The following KCNQ1 variants were observed in gnomAD, a reference collection of about 807,000 sequenced individuals.
KCNQ1 encodes the protein potassium voltage-gated channel subfamily Q member 1.
A neutral mutation model predicts 72.4 loss-of-function variants in KCNQ1; 49 were observed. The observed-to-expected ratio is 0.68, with a 90% CI of 0.54 to 0.86. The LOEUF is 0.86. KCNQ1 is among the 40% of genes least tolerant of loss of function. KCNQ1 has a pLI of 0.00. For synonymous variants in KCNQ1, 450 were observed against 412.6 expected (o/e 1.09, Z -1.10); for missense variants, 790 against 945.1 (o/e 0.84, Z 2.15).
intron 10 of KCNQ1, chr11:2,648,894 TG>T: frequency 2.5e-6 from 1 of 398,464 alleles, no homozygotes; most frequent in Non-Finnish European, 4.4e-6. Flanking sequence ...CCAGTGTTGT[TG>T]GTTGCATATA....
At chr11:2,531,105 CAGG>C (rs1363739796) in intron 2 of KCNQ1, among the ~76,000 whole-genome samples, 1 of 152,206 alleles carries the variant, frequency 6.6e-6, no homozygotes, top group Non-Finnish European at 1.5e-5. Context: ...GGTTATCTCC[CAGG>C]CAGCTGGGAG....
In KCNQ1 at chr11:2,601,829, A is replaced by T. The variant is rs76698782; in HGVS notation, c.1393+12975A>T. 6.6e-6 allele frequency among the ~76,000 whole-genome samples: 1 copy of T among 152,170 alleles called. No homozygotes were observed. The highest frequency in any genetic ancestry group is 1.5e-5 in the Non-Finnish European group (1 of 68,050). On this transcript the variant is annotated intron_variant, in intron 10 of 15. Transcript: ENST00000155840. This position sits in a 1 kb window ranked among gnomAD's most constrained non-coding sequence, Gnocchi z 5.2. ...TTTAACCATTCCCTCATCCAAGGAC[A>T]TGTGGGTCATTCCCAGTTTGGGCTA... is the stretch of plus-strand genomic sequence containing the variant.
intron 6 of KCNQ1, among the ~76,000 whole-genome samples, chr11:2,582,338 T>A (rs1238902241): frequency 6.6e-6 from 1 of 152,114 alleles, no homozygotes; most frequent in Non-Finnish European, 1.5e-5. Flanking sequence ...GGGACCCTGG[T>A]CTCGTGGGGG....
chr11:2,541,159 C>T lies in KCNQ1; in HGVS notation c.477+13141C>T, dbSNP rs1376941241. On this transcript the variant is annotated intron_variant, in intron 2 of 15. Transcript: ENST00000155840. This position sits in a 1 kb window ranked among gnomAD's most constrained non-coding sequence, Gnocchi z 4.8. ...GCAGGGAGAGAGACCCCCTTGGGGC[C>T]GCGTTCCATTTGCACATTTAATCCA... Among the ~76,000 whole-genome samples, 1 of 152,242 alleles carries T rather than the reference C, an allele frequency of 6.6e-6. No homozygotes were observed. Among genetic ancestry groups the T allele is most frequent in the East Asian group, 1.9e-4 (1 of 5,184 alleles).
rs75009354 is a variant in KCNQ1, at chr11:2,601,739, C to T, written c.1393+12885C>T. ...TGGATTCATTCCGGTTGTTTTGTAT[C>T]GCGACAGTTCATTAAATCATAGTGC... On this transcript the variant is annotated intron_variant, in intron 10 of 15. Coordinates refer to ENST00000155840, the MANE Select transcript of KCNQ1 (RefSeq NM_000218.3). The surrounding 1 kb of genome is among the most constrained non-coding windows in gnomAD (Gnocchi z 5.2). Among the ~76,000 whole-genome samples the T allele has an allele frequency of 3.5e-3, 537 of 152,246 alleles. 2 individuals carry two copies. The highest frequency in any genetic ancestry group is 5.4e-3 in the Non-Finnish European group (370 of 68,028).
At position 2,712,219 on chromosome 11, in the gene KCNQ1, T is replaced by C. The variant is rs1483988727; in HGVS notation, c.1514+50138T>C. Among the ~76,000 whole-genome samples, 1 of 152,156 alleles carries C rather than the reference T, an allele frequency of 6.6e-6. No individual in the cohort carries two copies. The highest frequency in any genetic ancestry group is 2.4e-5 in the African/African-American group (1 of 41,444). ...TATTCATCCACACCCCCTGCATTTA[T>C]TGAGTGCCTTCTGGGTGCCCGGCCC... is the stretch of plus-strand genomic sequence containing the variant. On this transcript the variant is annotated intron_variant, in intron 11 of 15. Transcript: ENST00000155840. This position sits in a 1 kb window ranked among gnomAD's most constrained non-coding sequence, Gnocchi z 6.4.
chr11:2,646,644 G>C (rs1849670474), intron 10 of KCNQ1: 4 of 398,492 alleles, frequency 1.0e-5, no homozygotes, highest in Non-Finnish European at 1.3e-5. Context: ...TCCCATCTCA[G>C]CCTCCTGAGT....
chr11:2,582,198 T>G (rs1035543397), intron 6 of KCNQ1, among the ~76,000 whole-genome samples: 1 of 152,164 alleles, frequency 6.6e-6, no homozygotes, highest in Admixed American at 6.5e-5. Context: ...TTCTGGGCAG[T>G]CGCGTGAGCC....
rs1242554125 is a variant in KCNQ1 at position 2,658,066 on chromosome 11, G to A, written c.1394-3895G>A. The A allele has an allele frequency of 5.0e-6, 2 of 398,404 alleles. No individual in the cohort carries two copies. Among genetic ancestry groups the A allele is most frequent in the African/African-American group, 4.1e-5 (2 of 48,594 alleles). 24.7% of individuals were successfully genotyped at this position (398,404 alleles called of 1,614,324 possible). ...TCACTAAGTATAGCCCACACTCAAGGTGGGGAAGGGAGGGGTTCAACTCTA... is the reference window on the plus strand; with the variant it reads ...TCACTAAGTATAGCCCACACTCAAGATGGGGAAGGGAGGGGTTCAACTCTA... On this transcript the variant is annotated intron_variant, in intron 10 of 15. Coordinates refer to ENST00000155840, the MANE Select transcript of KCNQ1 (RefSeq NM_000218.3). The surrounding 1 kb of genome is among the most constrained non-coding windows in gnomAD (Gnocchi z 4.9).
At chr11:2,705,955 C>G (rs86392) in intron 11 of KCNQ1, among the ~76,000 whole-genome samples, 1 of 151,938 alleles carries the variant, frequency 6.6e-6, no homozygotes, top group Non-Finnish European at 1.5e-5. Context: ...GGTGCAGAGT[C>G]ATTGGCAGTA....
chr11:2,699,884 G>A (rs557431156), intron 11 of KCNQ1: 3 of 398,482 alleles, frequency 7.5e-6, no homozygotes, highest in East Asian at 7.1e-5. Context: ...GAGCCCCGGG[G>A]AGGACCACGC....
rs187804735 is a variant in KCNQ1 at position 2,521,950 on chromosome 11, C to T, written c.387-5978C>T. 3.3e-5 allele frequency among the ~76,000 whole-genome samples: 5 copies of T among 152,372 alleles called. No individual in the cohort carries two copies. The East Asian group carries it at 7.7e-4, about 24-fold the overall frequency. ...CCCAGGCCATCTGAGCCGTGGAGCC[C>T]ACCCAGGCCCGCTGCCTGCACCCCG... On this transcript the variant is annotated intron_variant, in intron 1 of 15. Coordinates refer to ENST00000155840, the MANE Select transcript of KCNQ1 (RefSeq NM_000218.3).
At chr11:2,628,740 T>C (rs939957663) in intron 10 of KCNQ1, 5 of 398,286 alleles carry the variant, frequency 1.3e-5, no homozygotes, top group African/African-American at 1.0e-4. Flanking sequence ...TTTCCCTGTT[T>C]TATAGGTTTT....
rs192572597 is a variant in KCNQ1 at position 2,455,300 on chromosome 11, G to A, written c.386+9816G>A. On this transcript the variant is annotated intron_variant, in intron 1 of 15. Transcript: ENST00000155840. ...TTTTTAGTAGAGACGGGGTTTCACC[G>A]TGTTAGCCAGGATGGTCTTGATCTC... Among the ~76,000 whole-genome samples the A allele has an allele frequency of 6.1e-3, 922 of 151,702 alleles. 4 individuals carry two copies. The highest frequency in any genetic ancestry group is 0.018 in the African/African-American group (747 of 41,072).
intron 15 of KCNQ1, among the ~76,000 whole-genome samples, chr11:2,799,189 G>C (rs757365292): frequency 6.6e-6 from 1 of 152,236 alleles, no homozygotes; most frequent in Non-Finnish European, 1.5e-5. Flanking sequence ...AAGTGAGTGA[G>C]AGAGCAGCGC....
At chr11:2,573,680 C>A (rs1848375271) in intron 6 of KCNQ1, among the ~76,000 whole-genome samples, 1 of 152,144 alleles carries the variant, frequency 6.6e-6, no homozygotes, top group South Asian at 2.1e-4. Flanking sequence ...GCCCGGGAGC[C>A]TTGGGGAAGC....
chr11:2,566,563 T>C lies in KCNQ1; in HGVS notation c.478-4065T>C, dbSNP rs1420786355. On this transcript the variant is annotated intron_variant, in intron 2 of 15. Coordinates refer to ENST00000155840, the MANE Select transcript of KCNQ1 (RefSeq NM_000218.3). This position sits in a 1 kb window ranked among gnomAD's most constrained non-coding sequence, Gnocchi z 6.7. ...GGTGCCCAGATCTGAGGCCCTTTTG[T>C]CCATGAAGCCATCTGCAGCCAGGAG... is the stretch of plus-strand genomic sequence containing the variant. Among the ~76,000 whole-genome samples, 1 of 152,090 alleles carries C rather than the reference T, an allele frequency of 6.6e-6. No individual in the cohort carries two copies. The highest frequency in any genetic ancestry group is 1.5e-5 in the Non-Finnish European group (1 of 68,026).
In KCNQ1 at chr11:2,536,830, C is replaced by T. The variant is rs377119638; in HGVS notation, c.477+8812C>T. On this transcript the variant is annotated intron_variant, in intron 2 of 15. Transcript: ENST00000155840. This position sits in a 1 kb window ranked among gnomAD's most constrained non-coding sequence, Gnocchi z 7.4. ...CTCACAGCTCTGGACGATGGAGGGCCGAGACCCAGGTGTGGGCAGGGCTGG... is the reference window on the plus strand; with the variant it reads ...CTCACAGCTCTGGACGATGGAGGGCTGAGACCCAGGTGTGGGCAGGGCTGG... 9.9e-5 allele frequency among the ~76,000 whole-genome samples: 15 copies of T among 152,172 alleles called. 1 individual carries two copies. The highest frequency in any genetic ancestry group is 3.6e-4 in the African/African-American group (15 of 41,444).
intron 10 of KCNQ1, chr11:2,650,895 C>T (rs1048714296): frequency 5.0e-6 from 2 of 398,510 alleles, no homozygotes; most frequent in Non-Finnish European, 8.8e-6. Flanking sequence ...GAGCAGCATG[C>T]TATTTTTCTC....
Sources: allele counts gnomAD v4.1 joint callset (sites outside exome capture counted in the v4.1 genomes callset), GRCh38; gene constraint gnomAD v4.1.1; non-coding constraint Gnocchi (gnomAD v3.1); transcripts MANE v1.5; gene names NCBI Gene and HGNC (gene_info 2026-07-23, HGNC 2026-07-21).